The following AIM2 variants were observed in gnomAD, a reference collection of about 807,000 sequenced individuals.
The protein encoded by AIM2 is interferon-inducible protein AIM2.
AIM2 carries 30 observed loss-of-function variants against 27.7 expected under a neutral mutation model. The observed-to-expected ratio is 1.08, with a 90% CI of 0.81 to 1.47. The LOEUF is 1.47. Among genes scored for constraint, AIM2 ranks in the 40% most tolerant of loss-of-function variants. The pLI, the probability that AIM2 is intolerant of heterozygous loss-of-function variation, is 0.00. For missense variants in AIM2, 358 were observed against 411.3 expected, an observed-to-expected ratio of 0.87 and a Z score of 1.12; for synonymous variants, 141 against 145.3, an observed-to-expected ratio of 0.97 and a Z score of 0.21.
chr1:159,056,445 C>G, the AIM2 span, among the ~76,000 whole-genome samples: 2 of 151,798 alleles, frequency 1.3e-5, no homozygotes, highest in African/African-American at 4.9e-5. Context: ...GGACAAAGAC[C>G]GATCTTAACT....
At chr1:159,072,852 A>G (rs1343521817) in intron 2 of AIM2, among the ~76,000 whole-genome samples, 2 of 152,218 alleles carry the variant, frequency 1.3e-5, no homozygotes, top group African/African-American at 4.8e-5. Flanking sequence ...GCAATAATTT[A>G]TACTTTCAAG....
chr1:159,073,154 G>C, intron 2 of AIM2, 84 bp downstream of exon 2: 1 of 1,529,500 alleles, frequency 6.5e-7, no homozygotes, highest in South Asian at 1.2e-5. Flanking sequence ...GTGCACTGGG[G>C]GTCATATCCC....
chr1:159,078,530 G>A (rs573348757), upstream of AIM2, among the ~76,000 whole-genome samples: 28 of 152,326 alleles, frequency 1.8e-4, no homozygotes, highest in South Asian at 3.5e-3. Flanking sequence ...CCAGAGAGGC[G>A]TACTGATTTG....
intron 1 of AIM2, among the ~76,000 whole-genome samples, chr1:159,106,172 C>T (rs551259026): frequency 3.9e-5 from 6 of 152,232 alleles, no homozygotes; most frequent in African/African-American, 9.6e-5. Context: ...AGCACAGCAA[C>T]GCTGGGTCCG....
chr1:159,064,481 T>C (rs1655989934), intron 4 of AIM2, among the ~76,000 whole-genome samples: 2 of 152,224 alleles, frequency 1.3e-5, no homozygotes. Flanking sequence ...TGTTTATTTT[T>C]TGAAATGGAG....
intron 1 of AIM2, among the ~76,000 whole-genome samples, chr1:159,102,291 C>G (rs2078723): frequency 0.74 from 112,358 of 152,216 alleles, 45,049 homozygotes; most frequent in Non-Finnish European, 0.89. Flanking sequence ...GAACCTCTGC[C>G]TAGATTTCAG....
chr1:159,122,239 A>G (rs1469818593), intron 1 of AIM2: 1 of 152,198 alleles, frequency 6.6e-6, no homozygotes, highest in Non-Finnish European at 1.5e-5. Flanking sequence ...TTTTGCTCAC[A>G]TTCCAGTCGG....
intron 2 of AIM2, among the ~76,000 whole-genome samples, chr1:159,073,026 TGCAA>T (rs1434198854): frequency 6.6e-6 from 1 of 152,172 alleles, no homozygotes; most frequent in African/African-American, 2.4e-5. Flanking sequence ...GAAGAAGAGA[TGCAA>T]ACAAAGGCTG....
chr1:159,108,278 A>G (rs1462374893), intron 1 of AIM2, among the ~76,000 whole-genome samples: 1 of 152,188 alleles, frequency 6.6e-6, no homozygotes, highest in African/African-American at 2.4e-5. Flanking sequence ...AAGAAATGTG[A>G]TAAAAAACAA....
intron 1 of AIM2, among the ~76,000 whole-genome samples, chr1:159,133,747 C>A (rs767356537): frequency 1.3e-5 from 2 of 152,068 alleles, no homozygotes; most frequent in Non-Finnish European, 2.9e-5. Context: ...TTTCTTCTAC[C>A]TCTCCCCACT....
chr1:159,085,382 A>G (rs750517899), intron 1 of AIM2, among the ~76,000 whole-genome samples: 1 of 152,234 alleles, frequency 6.6e-6, no homozygotes, highest in Non-Finnish European at 1.5e-5. Flanking sequence ...AGAGATAAGG[A>G]TTCCAGAATT....
intron 1 of AIM2, among the ~76,000 whole-genome samples, chr1:159,108,617 C>T (rs1355219644): frequency 1.3e-5 from 2 of 151,896 alleles, no homozygotes; most frequent in Admixed American, 6.6e-5. Flanking sequence ...CTGTTTGTGG[C>T]GATATCATAA....
At chr1:159,055,422 A>C in the AIM2 span, among the ~76,000 whole-genome samples, 1 of 152,216 alleles carries the variant, frequency 6.6e-6, no homozygotes, top group African/African-American at 2.4e-5. Flanking sequence ...AGAGCAGTAG[A>C]TATCTTTTCA....
chr1:159,133,393 C>T (rs956003705), intron 1 of AIM2, among the ~76,000 whole-genome samples: 9 of 152,096 alleles, frequency 5.9e-5, no homozygotes, highest in East Asian at 5.8e-4. Flanking sequence ...GTTACCATAA[C>T]GAAAAGTTTT....
intron 1 of AIM2, among the ~76,000 whole-genome samples, chr1:159,074,256 T>G (rs1312863494): frequency 1.3e-5 from 2 of 152,216 alleles, no homozygotes; most frequent in African/African-American, 4.8e-5. Flanking sequence ...TAAGAAATCT[T>G]TTCCAATCTC....
chr1:159,115,848 A>C (rs1011295110), intron 1 of AIM2, among the ~76,000 whole-genome samples: 2 of 152,060 alleles, frequency 1.3e-5, no homozygotes, highest in African/African-American at 4.8e-5. Context: ...TAATTAAACT[A>C]AAGAGCTTCT....
At chr1:159,110,793 C>T (rs1657552674) in intron 1 of AIM2, among the ~76,000 whole-genome samples, 1 of 152,188 alleles carries the variant, frequency 6.6e-6, no homozygotes, top group Admixed American at 6.5e-5. Flanking sequence ...CCCTTCACTG[C>T]ACACATATTA....
chr1:159,056,738 A>AC, the AIM2 span, among the ~76,000 whole-genome samples: 2 of 144,772 alleles, frequency 1.4e-5, no homozygotes, highest in African/African-American at 2.6e-5. Flanking sequence ...AAAAAAAAAA[A>AC]AAAAAAAAAA....
chr1:159,085,609 C>T (rs771746515), intron 1 of AIM2, among the ~76,000 whole-genome samples: 5 of 152,140 alleles, frequency 3.3e-5, no homozygotes, highest in African/African-American at 4.8e-5. Flanking sequence ...CAGACAGTAA[C>T]GTGGGCAGCA....
Sources: gnomAD v4.1 joint callset for allele counts (sites outside exome capture counted in the v4.1 genomes callset) on GRCh38, gnomAD v4.1.1 for gene constraint, MANE v1.5 for transcripts, NCBI Gene and HGNC (gene_info 2026-07-23, HGNC 2026-07-21) for gene names.